Variants in NCKAP1 observed in about 807,000 individuals in gnomAD.
The protein encoded by NCKAP1 is NCK associated protein 1.
A neutral mutation model predicts 151.2 loss-of-function variants in NCKAP1; 21 were observed. The ratio of observed to expected loss-of-function variants is 0.14; its 90% CI spans 0.10 to 0.20. The LOEUF (loss-of-function observed/expected upper bound fraction) is 0.20, where lower values mean the gene tolerates loss of function less well. Among genes scored for constraint, NCKAP1 ranks in the 10% least tolerant of loss-of-function variants. NCKAP1 has a pLI of 1.00. For synonymous variants in NCKAP1, 484 were observed against 451.8 expected, an observed-to-expected ratio of 1.07 and a Z score of -0.90; for missense variants, 933 against 1,352.1, an observed-to-expected ratio of 0.69 and a Z score of 4.86.
rs766582638 is a variant in NCKAP1, at chr2:182,976,939, T to A, written c.1436A>T (p.Glu479Val). The change falls in exon 15 of 31, where the codon GAA becomes GTA. Residue 479 changes from glutamate to valine, a missense_variant. Coordinates refer to ENST00000361354, the MANE Select transcript of NCKAP1 (RefSeq NM_013436.5). ...SLSVKQVEDG[E>V]VFDFRGMRLD... ...TCTCATTCCTCTGAAATCAAATACT[T>A]CCCCATCTTCAACTGTAGTAATAGA... The A allele has an allele frequency of 3.3e-6, 5 of 1,538,254 alleles. No individual in the cohort carries two copies.
chr2:182,975,904 CTAAAACATAAA>C (rs970349906), intron 15 of NCKAP1, among the ~76,000 whole-genome samples: 11 of 151,778 alleles, frequency 7.2e-5, no homozygotes, highest in African/African-American at 2.7e-4. Context: ...GACCCTGCCT[CTAAAACATAAA>C]TAAATAAGTA....
intron 15 of NCKAP1, among the ~76,000 whole-genome samples, chr2:182,971,176 C>T (rs1273592064): frequency 2.6e-5 from 4 of 151,666 alleles, no homozygotes; most frequent in Admixed American, 1.3e-4. Flanking sequence ...GGGCGGATCA[C>T]GAGGTCAGGA....
In NCKAP1 at chr2:182,937,101, C is replaced by T. The variant is rs189346782; in HGVS notation, c.2696-1726G>A. Among the ~76,000 whole-genome samples, 266 of 93,322 alleles carry T rather than the reference C, an allele frequency of 2.9e-3. 1 individual carries two copies. Among genetic ancestry groups the T allele is most frequent in the African/African-American group, 0.011 (246 of 22,762 alleles). The allele number at this position is 93,322 out of a possible 152,430, so 61.2% of individuals were successfully genotyped here. A position where few individuals can be genotyped will look rare whatever the true frequency, so the allele number is the denominator to read the frequency against. On this transcript the variant is annotated intron_variant, in intron 24 of 30. Coordinates refer to ENST00000361354, the MANE Select transcript of NCKAP1 (RefSeq NM_013436.5). ...CTGCACTCGAGCCTAGGCAACAGAG[C>T]AAGACTGTCTCACAAAAAAAAAAAA...
rs374271746 is a variant in NCKAP1 at position 182,933,199 on chromosome 2, AAAGAG to A, written c.2859+1548_2859+1552del. On this transcript the variant is annotated intron_variant, in intron 26 of 30. Coordinates refer to ENST00000361354, the MANE Select transcript of NCKAP1 (RefSeq NM_013436.5). ...ATACAGGCAGGATTTCAAAAGGCAG[AAAGAG>A]AAAAGGTTGGTATTTTCAAGTAGAA... Among the ~76,000 whole-genome samples the A allele has an allele frequency of 7.7e-4, 117 of 152,300 alleles. 3 individuals are homozygous for A. In the East Asian group the frequency reaches 0.013, roughly 16 times the overall value.
At chr2:182,943,104 G>A (rs1697030563) in intron 23 of NCKAP1, among the ~76,000 whole-genome samples, 1 of 152,014 alleles carries the variant, frequency 6.6e-6, no homozygotes, top group Admixed American at 6.5e-5. Context: ...CTTTACTTTT[G>A]TTCTCTATAA....
Position 182,967,123 on chromosome 2 carries a change from G to A in NCKAP1, c.1628+93C>T, listed in dbSNP as rs537324699. The A allele has an allele frequency of 8.3e-5, 99 of 1,195,120 alleles. No homozygotes were observed. In the East Asian group the frequency reaches 1.7e-3, roughly 20 times the overall value. 74.0% of individuals were successfully genotyped at this position (1,195,120 alleles called of 1,614,324 possible). A position where few individuals can be genotyped will look rare whatever the true frequency, so the allele number is the denominator to read the frequency against. On this transcript the variant is annotated intron_variant, in intron 16 of 30. Transcript: ENST00000361354. ...ATTCTTAAGGATCTATTACTGAACT[G>A]TCTTAAGGACTATGCTAACACAAAA...
intron 8 of NCKAP1, among the ~76,000 whole-genome samples, chr2:182,994,178 T>C (rs1686604450): frequency 6.6e-6 from 1 of 152,230 alleles, no homozygotes; most frequent in African/African-American, 2.4e-5. Flanking sequence ...AGTGAACGGA[T>C]GTGACATTTA....
intron 19 of NCKAP1, 171 bp from the exon 20 acceptor site, chr2:182,956,764 A>G: frequency 1.7e-6 from 1 of 588,730 alleles, no homozygotes; most frequent in Non-Finnish European, 2.8e-6. Flanking sequence ...AACACATAAG[A>G]GCAATATTCT....
chr2:183,004,989 C>T (rs114606659), intron 2 of NCKAP1, among the ~76,000 whole-genome samples: 8,482 of 151,892 alleles, frequency 0.056, 358 homozygotes, highest in African/African-American at 0.12. Context: ...CTATTTTTAG[C>T]TTCATCTGAG....
At chr2:183,014,200 C>T (rs1409426518) in intron 2 of NCKAP1, among the ~76,000 whole-genome samples, 1 of 152,010 alleles carries the variant, frequency 6.6e-6, no homozygotes, top group Non-Finnish European at 1.5e-5. Flanking sequence ...ATAGAAGGCG[C>T]TCAATAAAGG....
At chr2:182,970,823 T>C (rs920073416) in intron 15 of NCKAP1, among the ~76,000 whole-genome samples, 4 of 150,896 alleles carry the variant, frequency 2.7e-5, no homozygotes, top group African/African-American at 9.8e-5. Context: ...AGTCATCAAA[T>C]TGTCCTTATC....
chr2:182,981,908 C>CA (rs77694869), intron 12 of NCKAP1, among the ~76,000 whole-genome samples: 8,261 of 49,686 alleles, frequency 0.17, 427 homozygotes, highest in Non-Finnish European at 0.22. Context: ...AACTCCGTCT[C>CA]AAAAAAAAAA....
At chr2:182,979,431 A>C (rs1006021781) in intron 13 of NCKAP1, among the ~76,000 whole-genome samples, 1 of 152,132 alleles carries the variant, frequency 6.6e-6, no homozygotes, top group African/African-American at 2.4e-5. Context: ...ATCCTTTTCA[A>C]TCTAGCTTAA....
chr2:183,019,761 A>G (rs556720769), intron 2 of NCKAP1, among the ~76,000 whole-genome samples: 1 of 152,344 alleles, frequency 6.6e-6, no homozygotes, highest in East Asian at 1.9e-4. Context: ...ATTTCATTTA[A>G]TCAGCTTGCT....
intron 27 of NCKAP1, 44 bp downstream of exon 27, chr2:182,930,651 G>T (rs1696744385): frequency 2.0e-6 from 3 of 1,470,792 alleles, no homozygotes; most frequent in Non-Finnish European, 2.9e-6. Flanking sequence ...TGCTGCCCTG[G>T]TAACTTTAAC....
At chr2:182,980,507 C>A (rs1697915436) in intron 13 of NCKAP1, among the ~76,000 whole-genome samples, 1 of 150,516 alleles carries the variant, frequency 6.6e-6, no homozygotes, top group Non-Finnish European at 1.5e-5. Flanking sequence ...TAAAGTGAAG[C>A]AAAATAAAAT....
Position 182,982,927 on chromosome 2 carries a change from C to A in NCKAP1, c.1102G>T (p.Ala368Ser). The A allele has an allele frequency of 6.3e-7, 1 of 1,582,856 alleles. No homozygotes were observed. The highest frequency in any genetic ancestry group is 1.2e-5 in the South Asian group (1 of 85,602). ...SDQPGLLGPK[A>S]LFVFMALSFA... ...GATAATGCCATAAAAACAAAAAGTG[C>A]CTGTTTAAAAAAAAGTAAGTGTTTA... Residue 368 changes from alanine (A) to serine (S), a missense_variant and splice_region_variant, in exon 12 of 31, where the codon GCA (alanine) becomes TCA (serine). By Grantham distance (99) the Ala-to-Ser change is moderately conservative (BLOSUM62 1). Around this residue, in one of 2 missense-constraint regions of NCKAP1, gnomAD observed 607 missense variants for 795.0 expected, o/e 0.76. Coordinates refer to ENST00000361354, the MANE Select transcript of NCKAP1 (RefSeq NM_013436.5).
chr2:182,972,224 CA>C (rs56834438), intron 15 of NCKAP1, among the ~76,000 whole-genome samples: 33,472 of 68,456 alleles, frequency 0.49, 4,262 homozygotes, highest in East Asian at 0.62. Context: ...AGCTTAATAG[CA>C]AAAAAAAAAA....
chr2:182,928,777 T>C lies in NCKAP1; in HGVS notation c.3070+6A>G. On this transcript the variant is annotated splice_donor_region_variant and intron_variant, in intron 28 of 30. Transcript: ENST00000361354. ...CATCGCCAAAACAATTTTAAACCACTATTACCTTCTATAGCAGGGCTGTAC... is the reference window on the plus strand; with the variant it reads ...CATCGCCAAAACAATTTTAAACCACCATTACCTTCTATAGCAGGGCTGTAC... The C allele has an allele frequency of 1.3e-6, 2 of 1,557,794 alleles. No individual in the cohort carries two copies. The highest frequency in any genetic ancestry group is 1.8e-6 in the Non-Finnish European group (2 of 1,142,780).
Sources: allele counts gnomAD v4.1 joint callset (sites outside exome capture counted in the v4.1 genomes callset), GRCh38; gene constraint gnomAD v4.1.1; regional missense constraint gnomAD v4.1.1; transcripts MANE v1.5; gene names NCBI Gene and HGNC (gene_info 2026-07-23, HGNC 2026-07-21).